NALCN: variants seen among roughly 807,000 people sequenced by gnomAD.
NALCN encodes sodium leak channel, non-selective.
In NALCN, 111 loss-of-function variants were observed where a neutral mutation model predicts 225.3. The ratio of observed to expected loss-of-function variants is 0.49; its 90% CI spans 0.42 to 0.58. The LOEUF (loss-of-function observed/expected upper bound fraction) is 0.58, where lower values mean the gene tolerates loss of function less well. Ranked by LOEUF, NALCN falls within the 20% of genes least tolerant of loss-of-function variation. The probability of loss-of-function intolerance (pLI) is 0.00; values close to 1 mark genes in which losing one functional copy is unlikely to be tolerated. For missense variants in NALCN, 1,378 were observed against 2,202.4 expected, an observed-to-expected ratio of 0.63 and a Z score of 7.49; for synonymous variants, 764 against 769.0, an observed-to-expected ratio of 0.99 and a Z score of 0.11.
In NALCN at chr13:101,261,616, G is replaced by A. The variant is rs117932805; in HGVS notation, c.1135-3042C>T. Among the ~76,000 whole-genome samples the A allele has an allele frequency of 4.3e-3, 660 of 152,270 alleles. 7 individuals carry two copies. Among genetic ancestry groups the A allele is most frequent in the Non-Finnish European group, 7.0e-3 (476 of 68,010 alleles). ...TATTTTATTTGTAGCTACCGTAAAT[G>A]GGATTACTTTCTTGATTTCTTTTTC... is the stretch of plus-strand genomic sequence containing the variant. On this transcript the variant is annotated intron_variant, in intron 10 of 43. Coordinates refer to ENST00000251127, the MANE Select transcript of NALCN (RefSeq NM_052867.4).
intron 13 of NALCN, among the ~76,000 whole-genome samples, chr13:101,216,317 A>G (rs897703769): frequency 1.3e-5 from 2 of 152,130 alleles, no homozygotes; most frequent in South Asian, 2.1e-4. Context: ...CAAAAGATAT[A>G]TGATTTTCAG....
intron 13 of NALCN, among the ~76,000 whole-genome samples, chr13:101,225,574 G>T (rs942661447): frequency 6.6e-6 from 1 of 152,146 alleles, no homozygotes; most frequent in African/African-American, 2.4e-5. Flanking sequence ...CCTTATAAGA[G>T]TCGAAGACCA....
chr13:101,228,824 A>G (rs1256182420), intron 13 of NALCN, among the ~76,000 whole-genome samples: 1 of 152,146 alleles, frequency 6.6e-6, no homozygotes, highest in Non-Finnish European at 1.5e-5. Context: ...GTCCACATAG[A>G]GTTAAATTTC....
intron 7 of NALCN, among the ~76,000 whole-genome samples, chr13:101,331,142 AAAATGAGCTCATAGCCAGTGG>A (rs1250912718): frequency 2.4e-4 from 36 of 152,294 alleles, no homozygotes; most frequent in African/African-American, 7.0e-4. Flanking sequence ...GTACCCCTGA[AAAATGAGCTCATAGCCAGTGG>A]AAATGAGCTC....
intron 6 of NALCN, among the ~76,000 whole-genome samples, chr13:101,363,378 TA>T (rs533291296): frequency 6.6e-6 from 1 of 151,846 alleles, no homozygotes; most frequent in Non-Finnish European, 1.5e-5. Context: ...ATGGTACTGG[TA>T]AAAAAACAGA....
At chr13:101,227,516 C>T (rs2041192305) in intron 13 of NALCN, among the ~76,000 whole-genome samples, 1 of 152,158 alleles carries the variant, frequency 6.6e-6, no homozygotes, top group Admixed American at 6.5e-5. Context: ...ATTGAGGCCC[C>T]AAGTCTGGGG....
intron 6 of NALCN, among the ~76,000 whole-genome samples, chr13:101,368,365 G>A (rs1015932265): frequency 6.6e-6 from 1 of 151,830 alleles, no homozygotes; most frequent in African/African-American, 2.4e-5. Context: ...AGTATTCCAT[G>A]GTGTATATGT....
At chr13:101,411,708 C>G (rs1016180083) in intron 1 of NALCN, among the ~76,000 whole-genome samples, 21 of 152,110 alleles carry the variant, frequency 1.4e-4, no homozygotes, top group Non-Finnish European at 2.4e-4. Flanking sequence ...TATGGGAAGC[C>G]TGTAGTTATA....
chr13:101,081,470 G>A, intron 34 of NALCN, 57 bp downstream of exon 34: 1 of 1,611,492 alleles, frequency 6.2e-7, no homozygotes, highest in South Asian at 1.1e-5. Context: ...ACAGGACTGA[G>A]CAGAACTGAA....
At chr13:101,399,744 C>A (rs2047413567) in intron 1 of NALCN, among the ~76,000 whole-genome samples, 1 of 152,170 alleles carries the variant, frequency 6.6e-6, no homozygotes, top group Non-Finnish European at 1.5e-5. Flanking sequence ...TAAATTCTTC[C>A]AGCTACTCTG....
At chr13:101,240,297 T>C (rs1471367503) in intron 11 of NALCN, among the ~76,000 whole-genome samples, 1 of 152,054 alleles carries the variant, frequency 6.6e-6, no homozygotes, top group Non-Finnish European at 1.5e-5. Flanking sequence ...CGTTCTTTAA[T>C]AAGTTTTTTC....
At chr13:101,267,745 G>A (rs1307921777) in intron 10 of NALCN, among the ~76,000 whole-genome samples, 1 of 152,158 alleles carries the variant, frequency 6.6e-6, no homozygotes, top group East Asian at 1.9e-4. Flanking sequence ...CGCAGAGGCA[G>A]GGGTGAGCTC....
chr13:101,144,124 T>G (rs2037226545), intron 16 of NALCN, among the ~76,000 whole-genome samples: 1 of 152,238 alleles, frequency 6.6e-6, no homozygotes, highest in South Asian at 2.1e-4. Context: ...TGTAATTTCT[T>G]GAGCTATAAC....
intron 11 of NALCN, among the ~76,000 whole-genome samples, chr13:101,251,359 A>G (rs1305651057): frequency 6.6e-6 from 1 of 152,124 alleles, no homozygotes; most frequent in African/African-American, 2.4e-5. Context: ...ATTATAAAGC[A>G]TGCATTGATA....
intron 10 of NALCN, among the ~76,000 whole-genome samples, chr13:101,281,888 C>T (rs1218258996): frequency 4.0e-5 from 6 of 151,804 alleles, no homozygotes; most frequent in African/African-American, 1.5e-4. Context: ...TATGAATGGC[C>T]AATAGGTATA....
intron 35 of NALCN, 68 bp from the exon 36 acceptor site, chr13:101,074,730 G>T: frequency 6.7e-7 from 1 of 1,482,406 alleles, no homozygotes; most frequent in Non-Finnish European, 8.9e-7. Context: ...CAGAGAGAGA[G>T]AGAGAGAGAG....
At chr13:101,308,700 T>C (rs1442376590) in intron 7 of NALCN, among the ~76,000 whole-genome samples, 3 of 152,190 alleles carry the variant, frequency 2.0e-5, no homozygotes, top group Admixed American at 1.3e-4. Flanking sequence ...GGAAAAAATA[T>C]GCTAACTAAA....
At chr13:101,097,852 C>T (rs1310832454) in intron 27 of NALCN, among the ~76,000 whole-genome samples, 2 of 152,126 alleles carry the variant, frequency 1.3e-5, no homozygotes, top group African/African-American at 4.8e-5. Context: ...CCTACATGGG[C>T]GGGAATGAAA....
At chr13:101,415,642 T>G (rs1281123781) in intron 1 of NALCN, among the ~76,000 whole-genome samples, 1 of 152,202 alleles carries the variant, frequency 6.6e-6, no homozygotes. Context: ...TGGTGTTGCT[T>G]GGCAGGACAC....
Sources: gnomAD v4.1 joint callset for allele counts (sites outside exome capture counted in the v4.1 genomes callset) on GRCh38, gnomAD v4.1.1 for gene constraint, MANE v1.5 for transcripts, NCBI Gene and HGNC (gene_info 2026-07-23, HGNC 2026-07-21) for gene names.